The following GMCL1 variants were observed in gnomAD, a reference collection of about 807,000 sequenced individuals.
GMCL1 encodes the protein germ cell-less protein-like 1.
GMCL1 carries 54 observed loss-of-function variants against 75.5 expected under a neutral mutation model. That is an observed-to-expected ratio of 0.71 (90% CI 0.57 to 0.90). The LOEUF (loss-of-function observed/expected upper bound fraction) is 0.90, where lower values mean the gene tolerates loss of function less well. Among genes scored for constraint, GMCL1 ranks in the 40% least tolerant of loss-of-function variants. The probability of loss-of-function intolerance (pLI) is 0.00; values close to 1 mark genes in which losing one functional copy is unlikely to be tolerated. For synonymous variants in GMCL1, 210 were observed against 209.6 expected (o/e 1.00, Z -0.02); for missense variants, 537 against 622.7 (o/e 0.86, Z 1.47).
At position 69,837,629 on chromosome 2, in the gene GMCL1, C is replaced by T. The variant is rs760918732; in HGVS notation, c.343C>T (p.Leu115=). The T allele has an allele frequency of 4.4e-6, 7 of 1,606,054 alleles. No homozygotes were observed. Among genetic ancestry groups the T allele is most frequent in the Non-Finnish European group, 5.9e-6 (7 of 1,177,566 alleles). The part of the protein sequence containing the change: ...GENSDIKICA[L]GEEWSLHKIY... The stretch of plus-strand genomic sequence containing the variant: ...AAACAGTGACATTAAGATTTGTGCT[C>T]TAGGAGAAGAATGGAGCTTACACAA... The change falls in exon 2 of 14, where the codon CTA becomes TTA. Residue 115 remains leucine (L), a synonymous_variant. Coordinates refer to ENST00000282570, the MANE Select transcript of GMCL1 (RefSeq NM_178439.5).
At chr2:69,867,329 C>G (rs1356744793) in intron 11 of GMCL1, among the ~76,000 whole-genome samples, 1 of 152,122 alleles carries the variant, frequency 6.6e-6, no homozygotes, top group Non-Finnish European at 1.5e-5. Context: ...TTCCCCCATG[C>G]TCTTGTGCTC....
chr2:69,875,513 T>C (rs1337401697), intron 13 of GMCL1, among the ~76,000 whole-genome samples: 1 of 152,148 alleles, frequency 6.6e-6, no homozygotes, highest in Non-Finnish European at 1.5e-5. Context: ...AAAATTCCTA[T>C]GGGGATTTTA....
At chr2:69,874,219 A>T (rs1191034756) in intron 13 of GMCL1, among the ~76,000 whole-genome samples, 2 of 152,162 alleles carry the variant, frequency 1.3e-5, no homozygotes, top group African/African-American at 4.8e-5. Context: ...CTAATGGCCA[A>T]ATTGCCCTCC....
At chr2:69,860,150 C>T (rs1040530198) in intron 9 of GMCL1, among the ~76,000 whole-genome samples, 4 of 151,974 alleles carry the variant, frequency 2.6e-5, no homozygotes, top group Admixed American at 6.6e-5. Context: ...TACAGGTGCA[C>T]GCACCTAATT....
rs1676215560 is a variant in GMCL1 at position 69,879,400 on chromosome 2, C to G, written c.*396C>G. 1 of 153,740 alleles carries G rather than the reference C, an allele frequency of 6.5e-6. No individual in the cohort carries two copies. Among genetic ancestry groups the G allele is most frequent in the Admixed American group, 6.5e-5 (1 of 15,310 alleles). 9.5% of individuals were successfully genotyped at this position (153,740 alleles called of 1,614,324 possible). A position where few individuals can be genotyped will look rare whatever the true frequency, so the allele number is the denominator to read the frequency against. On this transcript the variant is annotated 3_prime_UTR_variant, in exon 14 of 14. Coordinates refer to ENST00000282570, the MANE Select transcript of GMCL1 (RefSeq NM_178439.5). ...CTTATGTTAGTGGACCTCAGTTATC[C>G]ATCTGTAAATTTCTTTTTATTTGGC...
At position 69,829,888 on chromosome 2, in the gene GMCL1, G is replaced by A; in HGVS notation, c.-5G>A. On this transcript the variant is annotated 5_prime_UTR_variant, in exon 1 of 14. Coordinates refer to ENST00000282570, the MANE Select transcript of GMCL1 (RefSeq NM_178439.5). ...GCTCCCTGAAGTCTCGGGGAGCCGTGACCCATGGGATCGTTGAGCAGCCGG... is the reference window on the plus strand; with the variant it reads ...GCTCCCTGAAGTCTCGGGGAGCCGTAACCCATGGGATCGTTGAGCAGCCGG... The A allele has an allele frequency of 6.3e-7, 1 of 1,589,020 alleles. No individual in the cohort carries two copies. The highest frequency in any genetic ancestry group is 1.3e-5 in the African/African-American group (1 of 74,374).
chr2:69,865,765 C>T (rs568160427), intron 11 of GMCL1, among the ~76,000 whole-genome samples: 1 of 152,070 alleles, frequency 6.6e-6, no homozygotes, highest in South Asian at 2.1e-4. Flanking sequence ...CTATTTAATA[C>T]TTTTATTTTA....
At chr2:69,869,945 A>T (rs1289558136) in intron 12 of GMCL1, 81 bp downstream of exon 12, 1 of 1,404,654 alleles carries the variant, frequency 7.1e-7, no homozygotes, top group Admixed American at 2.0e-5. Context: ...TTACACCAAC[A>T]TTAGTAGAAC....
At chr2:69,830,720 A>ATG (rs72302077) in intron 1 of GMCL1, among the ~76,000 whole-genome samples, 10,460 of 148,550 alleles carry the variant, frequency 0.07, 942 homozygotes, top group Admixed American at 0.22. Context: ...TTGACCGTGG[A>ATG]TGTACTGTAT....
rs1011738003 is a variant in GMCL1, at chr2:69,879,109, G to C, written c.*105G>C. On this transcript the variant is annotated 3_prime_UTR_variant, in exon 14 of 14. Coordinates refer to ENST00000282570, the MANE Select transcript of GMCL1 (RefSeq NM_178439.5). ...CCAGCTTTAATTTAATGGCCCTACT[G>C]ATATTCACATCGAAGGTGACTAACA... 90 of 680,126 alleles carry C rather than the reference G, an allele frequency of 1.3e-4. No individual in the cohort carries two copies. In the African/African-American group the frequency reaches 1.5e-3, roughly 11 times the overall value. The allele number at this position is 680,126 out of a possible 1,614,324, so 42.1% of individuals were successfully genotyped here. A position where few individuals can be genotyped will look rare whatever the true frequency, so the allele number is the denominator to read the frequency against.
intron 1 of GMCL1, among the ~76,000 whole-genome samples, chr2:69,832,054 C>G (rs923276486): frequency 6.6e-6 from 1 of 152,112 alleles, no homozygotes; most frequent in Non-Finnish European, 1.5e-5. Context: ...AACCCTGTCT[C>G]TACTAAAAAT....
At chr2:69,862,572 C>G (rs923248042) in intron 10 of GMCL1, among the ~76,000 whole-genome samples, 1 of 151,980 alleles carries the variant, frequency 6.6e-6, no homozygotes, top group African/African-American at 2.4e-5. Flanking sequence ...CAAGCCTGAC[C>G]GAGATGGAGA....
chr2:69,858,483 A>G (rs1318146471), intron 9 of GMCL1, among the ~76,000 whole-genome samples: 1 of 152,214 alleles, frequency 6.6e-6, no homozygotes, highest in East Asian at 1.9e-4. Context: ...GGTTCTGGCA[A>G]ACTCTTCCTA....
chr2:69,880,157 G>A lies in GMCL1; in HGVS notation c.*1153G>A, dbSNP rs1279727340. The stretch of plus-strand genomic sequence containing the variant: ...GCCATGTTCATTTTCTTTCCAGTTA[G>A]AGTAAGTACTTCTGTGGTTAATGTA... On this transcript the variant is annotated 3_prime_UTR_variant, in exon 14 of 14. Transcript: ENST00000282570. 1 of 152,096 alleles carries A rather than the reference G, an allele frequency of 6.6e-6. No homozygotes were observed. The allele number at this position is 152,096 out of a possible 1,614,324, so 9.4% of individuals were successfully genotyped here.
At chr2:69,870,782 G>A (rs1282988104) in intron 12 of GMCL1, among the ~76,000 whole-genome samples, 4 of 151,938 alleles carry the variant, frequency 2.6e-5, no homozygotes, top group Non-Finnish European at 4.4e-5. Context: ...TACTAATTAG[G>A]GACATACAAA....
rs115688669 is a variant in GMCL1, at chr2:69,863,825, T to C, written c.1143-1075T>C. 6.5e-3 allele frequency among the ~76,000 whole-genome samples: 988 copies of C among 152,278 alleles called. 11 individuals are homozygous for C. The highest frequency in any genetic ancestry group is 0.023 in the African/African-American group (946 of 41,550). ...CTGCACTAAATGTGCACTAAATTCT[T>C]ATGTTCATATGCTGCAGCTGCATTA... On this transcript the variant is annotated intron_variant, in intron 10 of 13. Transcript: ENST00000282570.
intron 9 of GMCL1, among the ~76,000 whole-genome samples, chr2:69,856,166 C>T (rs1381999909): frequency 6.6e-6 from 1 of 152,122 alleles, no homozygotes; most frequent in African/African-American, 2.4e-5. Context: ...CCACCTAATT[C>T]ACATTATTGA....
At chr2:69,854,369 G>A (rs34587942) in intron 8 of GMCL1, among the ~76,000 whole-genome samples, 35,111 of 152,032 alleles carry the variant, frequency 0.23, 4,421 homozygotes, top group East Asian at 0.4. Flanking sequence ...ATTAACTAGT[G>A]TTCATTACAT....
chr2:69,873,433 T>C (rs911053299), intron 13 of GMCL1: 2 of 152,164 alleles, frequency 1.3e-5, no homozygotes, highest in Non-Finnish European at 2.9e-5. Context: ...TCAGATACAT[T>C]GCTGAGTTTT....
Sources: allele counts gnomAD v4.1 joint callset (sites outside exome capture counted in the v4.1 genomes callset), GRCh38; gene constraint gnomAD v4.1.1; transcripts MANE v1.5; gene names NCBI Gene and HGNC (gene_info 2026-07-23, HGNC 2026-07-21).